Variants in HOATZ observed in about 807,000 individuals in gnomAD.
The protein encoded by HOATZ is cilia- and flagella-associated protein HOATZ.
A neutral mutation model predicts 24.9 loss-of-function variants in HOATZ; 26 were observed. The ratio of observed to expected loss-of-function variants is 1.04; its 90% CI spans 0.76 to 1.45. The LOEUF (loss-of-function observed/expected upper bound fraction) is 1.45, where lower values mean the gene tolerates loss of function less well. Ranked by LOEUF, HOATZ falls within the 40% of genes most tolerant of loss-of-function variation. The pLI is 0.00. For missense variants in HOATZ, 226 were observed against 201.5 expected (o/e 1.12, Z -0.74); for synonymous variants, 83 against 76.6 (o/e 1.08, Z -0.43).
At chr11:111,534,110 T>C (rs1867422849) in intron 4 of HOATZ, among the ~76,000 whole-genome samples, 1 of 152,228 alleles carries the variant, frequency 6.6e-6, no homozygotes, top group Admixed American at 6.5e-5. Context: ...TAATATTTGT[T>C]TACAATGATT....
intron 3 of HOATZ, among the ~76,000 whole-genome samples, chr11:111,525,408 T>G (rs1315782953): frequency 3.9e-5 from 6 of 152,168 alleles, no homozygotes; most frequent in African/African-American, 1.2e-4. Context: ...TGCCAATAGA[T>G]AAAATAGCTG....
chr11:111,533,625 C>A, intron 3 of HOATZ, 121 bp from the exon 4 acceptor site: 1 of 637,612 alleles, frequency 1.6e-6, no homozygotes, highest in Non-Finnish European at 2.6e-6. Flanking sequence ...ATAAATATAT[C>A]TTAGGAAAAA....
chr11:111,527,743 G>A (rs950807759), intron 3 of HOATZ, among the ~76,000 whole-genome samples: 45 of 152,324 alleles, frequency 3.0e-4, no homozygotes, highest in African/African-American at 9.9e-4. Context: ...CACAGGGAAT[G>A]GTAGTAAATT....
At chr11:111,530,498 A>G (rs1867382976) in intron 3 of HOATZ, among the ~76,000 whole-genome samples, 1 of 152,212 alleles carries the variant, frequency 6.6e-6, no homozygotes, top group African/African-American at 2.4e-5. Context: ...GTTATATCAC[A>G]TCCTAATTTT....
rs12274967 is a variant in HOATZ, at chr11:111,515,456, T to C, written c.227-55T>C. On this transcript the variant is annotated intron_variant, in intron 1 of 5. Coordinates refer to ENST00000375618, the MANE Select transcript of HOATZ (RefSeq NM_001100388.2). ...TTATAGTATAAAAAATTCAAACGCC[T>C]TTAATGTTGTTGACTTTTCCAATGA... is the stretch of plus-strand genomic sequence containing the variant. 6.0e-4 allele frequency: 878 copies of C among 1,466,780 alleles called. 4 individuals are homozygous for C. The African/African-American group carries it at 0.011, about 18-fold the overall frequency. The allele number at this position is 1,466,780 out of a possible 1,614,324, so 90.9% of individuals were successfully genotyped here.
intron 3 of HOATZ, among the ~76,000 whole-genome samples, chr11:111,530,064 A>C (rs1182496820): frequency 6.6e-6 from 1 of 152,184 alleles, no homozygotes; most frequent in Non-Finnish European, 1.5e-5. Flanking sequence ...ACTGAAAGAA[A>C]AATTTTCTAA....
At position 111,533,739 on chromosome 11, in the gene HOATZ, T is replaced by C; in HGVS notation, c.340-7T>C. The C allele has an allele frequency of 6.3e-7, 1 of 1,587,830 alleles. No homozygotes were observed. The highest frequency in any genetic ancestry group is 1.1e-5 in the South Asian group (1 of 88,086). On this transcript the variant is annotated splice_polypyrimidine_tract_variant and splice_region_variant and intron_variant, in intron 3 of 5. Transcript: ENST00000375618. Reference sequence around the variant, plus strand: ...CGAGACACCCACTTTTTTCTTTCTTTAAACAGGCTAAAACAAGAGAAGAGA... The same window carrying C: ...CGAGACACCCACTTTTTTCTTTCTTCAAACAGGCTAAAACAAGAGAAGAGA...
intron 3 of HOATZ, among the ~76,000 whole-genome samples, chr11:111,527,269 C>T (rs867690668): frequency 6.6e-6 from 1 of 152,126 alleles, no homozygotes; most frequent in Non-Finnish European, 1.5e-5. Flanking sequence ...TTTTCTTCCT[C>T]ACAACAGATA....
chr11:111,517,440 C>T (rs1867218480), intron 3 of HOATZ, among the ~76,000 whole-genome samples: 1 of 152,000 alleles, frequency 6.6e-6, no homozygotes, highest in Non-Finnish European at 1.5e-5. Context: ...TGTGAATTAC[C>T]AGTGGAGGTT....
At chr11:111,525,350 G>A (rs1018170757) in intron 3 of HOATZ, among the ~76,000 whole-genome samples, 10 of 152,202 alleles carry the variant, frequency 6.6e-5, no homozygotes, top group African/African-American at 2.4e-4. Context: ...CTGTGGTTAT[G>A]TTTTATATAC....
intron 3 of HOATZ, among the ~76,000 whole-genome samples, chr11:111,516,349 A>C (rs986579258): frequency 6.6e-6 from 1 of 152,160 alleles, no homozygotes; most frequent in Non-Finnish European, 1.5e-5. Context: ...AGAAATAGAA[A>C]GAGGTAGAGT....
chr11:111,536,713 C>A, intron 5 of HOATZ, 57 bp from the exon 6 acceptor site: 1 of 1,352,408 alleles, frequency 7.4e-7, no homozygotes, highest in East Asian at 2.3e-5. Flanking sequence ...CATGCTACAT[C>A]ATGTTCACAA....
rs1330239786 is a variant in HOATZ, at chr11:111,536,984, G to A, written c.*157G>A. ...TTCCAGGAATTTTACCAGTTAGTGAGTACTTGTGTTAAAATAAAGAAATAA... is the reference window on the plus strand; with the variant it reads ...TTCCAGGAATTTTACCAGTTAGTGAATACTTGTGTTAAAATAAAGAAATAA... On this transcript the variant is annotated 3_prime_UTR_variant, in exon 6 of 6. Coordinates refer to ENST00000375618, the MANE Select transcript of HOATZ (RefSeq NM_001100388.2). 20 of 601,830 alleles carry A rather than the reference G, an allele frequency of 3.3e-5. No homozygotes were observed. Among genetic ancestry groups the A allele is most frequent in the Middle Eastern group, 2.6e-4 (1 of 3,882 alleles). 37.3% of individuals were successfully genotyped at this position (601,830 alleles called of 1,614,324 possible).
intron 4 of HOATZ, 45 bp downstream of exon 4, chr11:111,533,850 G>T: frequency 7.1e-7 from 1 of 1,402,466 alleles, no homozygotes. Flanking sequence ...CTGAGTGGAT[G>T]AATTGTGGCA....
chr11:111,535,781 T>G (rs1283544813), intron 5 of HOATZ: 1 of 152,128 alleles, frequency 6.6e-6, no homozygotes, highest in Non-Finnish European at 1.5e-5. Flanking sequence ...GCCTCAGCCT[T>G]CCAAGTAGCT....
chr11:111,522,672 T>C (rs1867282806), intron 3 of HOATZ, among the ~76,000 whole-genome samples: 1 of 152,186 alleles, frequency 6.6e-6, no homozygotes, highest in African/African-American at 2.4e-5. Context: ...CTTGGGCAGT[T>C]CCCAAGCCAC....
At chr11:111,524,962 A>T in intron 3 of HOATZ, 1 of 424,722 alleles carries the variant, frequency 2.4e-6, no homozygotes, top group Non-Finnish European at 4.7e-6. Context: ...TCTCGGATTC[A>T]GGTGATTCTC....
At chr11:111,515,968 A>G in intron 2 of HOATZ, 72 bp from the exon 3 acceptor site, 1 of 1,049,706 alleles carries the variant, frequency 9.5e-7, no homozygotes, top group Non-Finnish European at 1.4e-6. Context: ...ACCCATGTCC[A>G]ATTTTATATC....
At chr11:111,519,066 A>G (rs1324327680) in intron 3 of HOATZ, 1 of 455,820 alleles carries the variant, frequency 2.2e-6, no homozygotes, top group East Asian at 6.9e-5. Context: ...TTGGAAGCCT[A>G]ACTCTGCCAC....
Sources: gnomAD v4.1 joint callset for allele counts (sites outside exome capture counted in the v4.1 genomes callset) on GRCh38, gnomAD v4.1.1 for gene constraint, MANE v1.5 for transcripts, NCBI Gene and HGNC (gene_info 2026-07-23, HGNC 2026-07-21) for gene names.